Variants in FHOD3 observed in about 807,000 individuals in gnomAD.
The protein encoded by FHOD3 is formin homology 2 domain containing 3.
In FHOD3, 90 loss-of-function variants were observed where a neutral mutation model predicts 173.0. The ratio of observed to expected loss-of-function variants is 0.52; its 90% CI spans 0.44 to 0.62. The LOEUF (loss-of-function observed/expected upper bound fraction) is 0.62. FHOD3 is among the 20% of genes least tolerant of loss of function. The pLI is 0.00. For missense variants in FHOD3, 1,945 were observed against 2,034.7 expected (o/e 0.96, Z 0.85); for synonymous variants, 828 against 823.0 (o/e 1.01, Z -0.10).
intron 25 of FHOD3, among the ~76,000 whole-genome samples, chr18:36,757,753 A>T (rs2042693447): frequency 6.6e-6 from 1 of 152,174 alleles, no homozygotes; most frequent in South Asian, 2.1e-4. Context: ...CCTTTTCATC[A>T]TCCAGGGGTC....
rs902331091 is a variant in FHOD3 at position 36,363,441 on chromosome 18, C to T, written c.272+7796C>T. 1.3e-5 allele frequency among the ~76,000 whole-genome samples: 2 copies of T among 152,226 alleles called. 1 individual carries two copies. The highest frequency in any genetic ancestry group is 4.1e-4 in the South Asian group (2 of 4,820). The stretch of plus-strand genomic sequence containing the variant: ...AAACAAACCATAGTATTTGTCCATA[C>T]CATGAAATATTTTTTATTTAGCAAT... On this transcript the variant is annotated intron_variant, in intron 2 of 28. Coordinates refer to ENST00000590592, the MANE Select transcript of FHOD3 (RefSeq NM_001281740.3).
At chr18:36,616,273 G>A (rs894453309) in intron 9 of FHOD3, among the ~76,000 whole-genome samples, 2 of 152,168 alleles carry the variant, frequency 1.3e-5, no homozygotes, top group Non-Finnish European at 2.9e-5. Context: ...GTTCAGCCAG[G>A]GGCTCAGATG....
intron 1 of FHOD3, 81 bp from the exon 2 acceptor site, chr18:36,355,458 G>C (rs1338208364): frequency 8.8e-7 from 1 of 1,131,750 alleles, no homozygotes; most frequent in African/African-American, 1.5e-5. Context: ...CAAAACACAG[G>C]AGGGCAACAT....
chr18:36,636,783 G>T (rs577842456), intron 10 of FHOD3, among the ~76,000 whole-genome samples: 7 of 152,082 alleles, frequency 4.6e-5, no homozygotes, highest in Admixed American at 3.3e-4. Context: ...TTGTCTCCCA[G>T]GGGTCCTTGG....
intron 20 of FHOD3, among the ~76,000 whole-genome samples, chr18:36,739,609 C>T (rs908971304): frequency 2.6e-5 from 4 of 152,196 alleles, no homozygotes; most frequent in Non-Finnish European, 4.4e-5. Flanking sequence ...TAGTATGTCT[C>T]TCCATGTGTT....
chr18:36,673,702 C>T (rs938552019), intron 14 of FHOD3, among the ~76,000 whole-genome samples: 1 of 152,110 alleles, frequency 6.6e-6, no homozygotes. Context: ...GCAGGGCATT[C>T]CTGAAGCTAA....
At chr18:36,759,633 C>T (rs1029995773) in intron 26 of FHOD3, among the ~76,000 whole-genome samples, 6 of 152,184 alleles carry the variant, frequency 3.9e-5, no homozygotes, top group African/African-American at 2.4e-5. Flanking sequence ...CATGGGCCAA[C>T]GTCCATGCAG....
intron 7 of FHOD3, among the ~76,000 whole-genome samples, chr18:36,596,924 T>G (rs980519204): frequency 6.6e-6 from 1 of 152,136 alleles, no homozygotes; most frequent in African/African-American, 2.4e-5. Context: ...GGCCAGTCAA[T>G]TAGGTATAAG....
chr18:36,322,347 G>A (rs961888381), intron 1 of FHOD3, among the ~76,000 whole-genome samples: 8 of 152,146 alleles, frequency 5.3e-5, no homozygotes, highest in African/African-American at 1.7e-4. Context: ...CCTCTCGAGA[G>A]GGTTATGGGG....
At position 36,652,597 on chromosome 18, in the gene FHOD3, C is replaced by T. The variant is rs1274472875; in HGVS notation, c.1314C>T (p.Ser438=). Residue 438 remains serine (S), a synonymous_variant, in exon 12 of 29, where the codon AGC becomes AGT. Coordinates refer to ENST00000590592, the MANE Select transcript of FHOD3 (RefSeq NM_001281740.3). Reference sequence around the variant, plus strand: ...AGGTCGGCGCTGCCTCAGGGCAGAGCCCCACTGGAAGGGATGCTGCTCCCA... The same window carrying T: ...AGGTCGGCGCTGCCTCAGGGCAGAGTCCCACTGGAAGGGATGCTGCTCCCA... The part of the protein sequence containing the change: ...DSKVGAASGQ[S]PTGRDAAPKS... 1.3e-6 allele frequency: 2 copies of T among 1,534,364 alleles called. No homozygotes were observed. Among genetic ancestry groups the T allele is most frequent in the Admixed American group, 3.9e-5 (2 of 50,984 alleles).
chr18:36,512,544 G>A lies in FHOD3; in HGVS notation c.511+1G>A. On this transcript the variant is annotated splice_donor_variant, in intron 5 of 28. Coordinates refer to ENST00000590592, the MANE Select transcript of FHOD3 (RefSeq NM_001281740.3). LOFTEE classifies it high-confidence loss of function. ...AACTATCAGAACTACATCTTAAGGGGTAAGTCATGACTGGGCATGCAGCAG... is the reference window on the plus strand; with the variant it reads ...AACTATCAGAACTACATCTTAAGGGATAAGTCATGACTGGGCATGCAGCAG... The A allele has an allele frequency of 6.2e-7, 1 of 1,610,886 alleles. No individual in the cohort carries two copies. Among genetic ancestry groups the A allele is most frequent in the Non-Finnish European group, 8.5e-7 (1 of 1,177,348 alleles).
rs1022433511 is a variant in FHOD3 at position 36,372,814 on chromosome 18, T to A, written c.337+70T>A. The stretch of plus-strand genomic sequence containing the variant: ...GCGACTTATGGGAATAAAATAAAGA[T>A]TCACTGTTATGCTGTCTGTTTGCAC... On this transcript the variant is annotated intron_variant, in intron 3 of 28. Coordinates refer to ENST00000590592, the MANE Select transcript of FHOD3 (RefSeq NM_001281740.3). The A allele has an allele frequency of 3.0e-6, 4 of 1,321,102 alleles. No homozygotes were observed. In the African/African-American group the frequency reaches 5.8e-5, roughly 19 times the overall value. 81.8% of individuals were successfully genotyped at this position (1,321,102 alleles called of 1,614,324 possible).
rs73949424 is a variant in FHOD3 at position 36,316,037 on chromosome 18, G to A, written c.165+18037G>A. Among the ~76,000 whole-genome samples the A allele has an allele frequency of 3.8e-3, 579 of 151,764 alleles. 4 individuals are homozygous for A. The highest frequency in any genetic ancestry group is 0.013 in the African/African-American group (556 of 41,368). ...GGAGGGGAGAAGGAGGGGTGGCCCC[G>A]GGCCTGAGATTTCTTTGTGTCTCAG... On this transcript the variant is annotated intron_variant, in intron 1 of 28. Coordinates refer to ENST00000590592, the MANE Select transcript of FHOD3 (RefSeq NM_001281740.3).
At chr18:36,716,982 T>C (rs766133081) in intron 18 of FHOD3, among the ~76,000 whole-genome samples, 33 of 150,630 alleles carry the variant, frequency 2.2e-4, no homozygotes, top group African/African-American at 7.2e-4. Flanking sequence ...AGGAAGACTC[T>C]AGTGGGAAGG....
chr18:36,437,839 T>C (rs1265033778), intron 3 of FHOD3, among the ~76,000 whole-genome samples: 1 of 152,068 alleles, frequency 6.6e-6, no homozygotes, highest in Non-Finnish European at 1.5e-5. Context: ...AATTTTTATA[T>C]TTTTAGTAGA....
chr18:36,746,932 C>G lies in FHOD3; in HGVS notation c.4042-13C>G. 3.1e-6 allele frequency: 5 copies of G among 1,596,078 alleles called. No individual in the cohort carries two copies. The highest frequency in any genetic ancestry group is 4.3e-6 in the Non-Finnish European group (5 of 1,171,314). The stretch of plus-strand genomic sequence containing the variant: ...GGTTTCAGTGTTTGCAGTGTTCTCG[C>G]TCTGATTTTCAGGTTGACTTTGATC... On this transcript the variant is annotated splice_polypyrimidine_tract_variant and intron_variant, in intron 23 of 28. Coordinates refer to ENST00000590592, the MANE Select transcript of FHOD3 (RefSeq NM_001281740.3).
At chr18:36,334,463 T>C (rs1163769976) in intron 1 of FHOD3, among the ~76,000 whole-genome samples, 2 of 152,218 alleles carry the variant, frequency 1.3e-5, no homozygotes, top group Non-Finnish European at 2.9e-5. Flanking sequence ...GCTAACACCA[T>C]GTCTTACACA....
At chr18:36,556,734 G>A (rs934636331) in intron 5 of FHOD3, among the ~76,000 whole-genome samples, 9 of 152,072 alleles carry the variant, frequency 5.9e-5, no homozygotes, top group African/African-American at 1.2e-4. Flanking sequence ...GGGAAAAAAC[G>A]TGTATTTACC....
In FHOD3 at chr18:36,747,076, G is replaced by C. The variant is rs746216956; in HGVS notation, c.4173G>C (p.Leu1391=). 5.0e-6 allele frequency: 8 copies of C among 1,613,970 alleles called. No homozygotes were observed. In the African/African-American group the frequency reaches 9.3e-5, roughly 19 times the overall value. ...PVLKQRMSEF[L]KDCAERIIIL... is the part of the protein sequence containing the mutation. ...TAAAACAACGGATGTCAGAGTTCCT[G>C]AAAGACTGTGCAGAGCGAATTATAA... The change falls in exon 24 of 29, where the codon CTG becomes CTC. Residue 1391 remains leucine, a synonymous_variant. Transcript: ENST00000590592.
Sources: gnomAD v4.1 joint callset for allele counts (sites outside exome capture counted in the v4.1 genomes callset) on GRCh38, gnomAD v4.1.1 for gene constraint, MANE v1.5 for transcripts, NCBI Gene and HGNC (gene_info 2026-07-23, HGNC 2026-07-21) for gene names.